The following ZNF254 variants were observed in gnomAD, a reference collection of about 807,000 sequenced individuals.
ZNF254 encodes the protein CTD-2017D11.1.
A neutral mutation model predicts 12.4 loss-of-function variants in ZNF254; 10 were observed. The ratio of observed to expected loss-of-function variants is 0.80; its 90% confidence interval spans 0.50 to 1.36. The LOEUF is 1.36. ZNF254 is among the 40% of genes most tolerant of loss of function. The pLI is 0.00. For synonymous variants in ZNF254, 305 were observed against 253.4 expected (o/e 1.20, Z -1.93); for missense variants, 996 against 763.9 (o/e 1.30, Z -3.58).
chr19:24,089,407 T>TA (rs1332006444), intron 1 of ZNF254, among the ~76,000 whole-genome samples: 2 of 152,210 alleles, frequency 1.3e-5, no homozygotes, highest in Non-Finnish European at 2.9e-5. Flanking sequence ...CTCTGCGTTT[T>TA]TTTTTCTTCT....
rs949483609 is a variant in ZNF254, at chr19:24,036,570, T to C, written c.-190+2949T>C. Among the ~76,000 whole-genome samples the C allele has an allele frequency of 4.6e-5, 7 of 152,168 alleles. No homozygotes were observed. The South Asian group carries it at 6.2e-4, about 14-fold the overall frequency. On this transcript the variant is annotated intron_variant, in intron 1 of 4. Transcript: ENST00000613065. ...TCAAGGAGGTATCAGAATTGAGTTA[T>C]TGGACAACCAGTTGGTGTTGGAGAA...
intron 2 of ZNF254, among the ~76,000 whole-genome samples, chr19:24,055,467 C>T (rs1306810257): frequency 2.6e-5 from 4 of 151,806 alleles, no homozygotes; most frequent in Non-Finnish European, 5.9e-5. Context: ...TTAGTAGAAA[C>T]AGGGTTTCAC....
chr19:24,066,247 T>C (rs565146975), intron 2 of ZNF254: 1 of 152,336 alleles, frequency 6.6e-6, no homozygotes, highest in African/African-American at 2.4e-5. Context: ...TGCCTGGGTC[T>C]TTATTACAGG....
intron 1 of ZNF254, among the ~76,000 whole-genome samples, chr19:24,044,544 A>T (rs1394482881): frequency 3.5e-5 from 5 of 143,566 alleles, no homozygotes; most frequent in Non-Finnish European, 7.5e-5. Context: ...TCTCAAAAAA[A>T]AAAATAAATA....
chr19:24,109,463 C>T (rs1973531963), intron 3 of ZNF254, among the ~76,000 whole-genome samples: 1 of 151,894 alleles, frequency 6.6e-6, no homozygotes, highest in Non-Finnish European at 1.5e-5. Context: ...TTTTTAAGTG[C>T]AGGTTTCTTA....
At chr19:24,067,928 C>T (rs1971337963) in intron 2 of ZNF254, among the ~76,000 whole-genome samples, 1 of 152,202 alleles carries the variant, frequency 6.6e-6, no homozygotes, top group African/African-American at 2.4e-5. Context: ...GACTCTTCAT[C>T]AGCCTGTACC....
intron 2 of ZNF254, among the ~76,000 whole-genome samples, chr19:24,058,405 C>T (rs1157453298): frequency 8.9e-6 from 1 of 112,298 alleles, no homozygotes; most frequent in Non-Finnish European, 2.2e-5. Context: ...TTCTTTCTTT[C>T]TTTCTTTCTT....
rs1031712689 is a variant in ZNF254, at chr19:24,128,771, A to T, written c.*791A>T. The T allele has an allele frequency of 5.3e-5, 8 of 152,124 alleles. No individual in the cohort carries two copies. The highest frequency in any genetic ancestry group is 1.0e-4 in the Non-Finnish European group (7 of 67,956). 9.4% of individuals were successfully genotyped at this position (152,124 alleles called of 1,614,324 possible). ...TATCTAGGGCATTCAAGCTTTAGAC[A>T]TTACACTAAATCAGAGTGCTGAGTA... On this transcript the variant is annotated 3_prime_UTR_variant, in exon 4 of 4. Coordinates refer to ENST00000357002, the MANE Select transcript of ZNF254 (RefSeq NM_203282.4).
intron 2 of ZNF254, among the ~76,000 whole-genome samples, chr19:24,047,466 G>A (rs1298501975): frequency 6.6e-6 from 1 of 151,454 alleles, no homozygotes; most frequent in African/African-American, 2.4e-5. Context: ...ACGAGGCCTC[G>A]CTATGTTCCC....
intron 1 of ZNF254, among the ~76,000 whole-genome samples, chr19:24,101,642 G>A (rs758447045): frequency 1.3e-5 from 2 of 152,186 alleles, no homozygotes; most frequent in African/African-American, 2.4e-5. Flanking sequence ...TAGCTAATCA[G>A]GACAGGTGAT....
At chr19:24,047,596 C>CTTTT (rs386388790) in intron 2 of ZNF254, among the ~76,000 whole-genome samples, 1 of 107,962 alleles carries the variant, frequency 9.3e-6, no homozygotes, top group African/African-American at 3.7e-5. Flanking sequence ...TTCATTCTTC[C>CTTTT]TTTTTTTTTT....
At chr19:24,073,000 C>A (rs577307444) in intron 2 of ZNF254, among the ~76,000 whole-genome samples, 1 of 152,334 alleles carries the variant, frequency 6.6e-6, no homozygotes, top group African/African-American at 2.4e-5. Context: ...AGGAGAGTTA[C>A]TGGCACTTGT....
intron 1 of ZNF254, among the ~76,000 whole-genome samples, chr19:24,090,506 G>A (rs181081271): frequency 7.9e-5 from 12 of 152,160 alleles, no homozygotes; most frequent in Admixed American, 7.2e-4. Flanking sequence ...GTACCATCTC[G>A]GTCCACTGCA....
chr19:24,046,398 T>TATATATATATATAA (rs1970392417), intron 2 of ZNF254: 1 of 146,846 alleles, frequency 6.8e-6, no homozygotes, highest in African/African-American at 2.5e-5. Context: ...TATATATATA[T>TATATATATATATAA]ATGTGCAGAT....
intron 2 of ZNF254, chr19:24,063,749 A>C (rs1971165443): frequency 1.3e-5 from 2 of 149,674 alleles, no homozygotes; most frequent in South Asian, 4.2e-4. Context: ...AGATTATGAC[A>C]TGTGATTGTG....
At chr19:24,111,935 C>T (rs1461234420) in intron 3 of ZNF254, among the ~76,000 whole-genome samples, 1 of 152,170 alleles carries the variant, frequency 6.6e-6, no homozygotes, top group Non-Finnish European at 1.5e-5. Flanking sequence ...TTTTGCTGTG[C>T]AGAAGCTCTT....
At chr19:24,064,422 G>A (rs1488640097) in intron 2 of ZNF254, 2 of 152,144 alleles carry the variant, frequency 1.3e-5, no homozygotes, top group African/African-American at 4.8e-5. Flanking sequence ...ACTGCTTGGG[G>A]TGTGATTAAG....
At chr19:24,045,648 A>G (rs1970352638) in intron 1 of ZNF254, among the ~76,000 whole-genome samples, 1 of 145,260 alleles carries the variant, frequency 6.9e-6, no homozygotes, top group African/African-American at 2.6e-5. Flanking sequence ...AGCCTGGGTG[A>G]CACAGCAAGA....
At chr19:24,062,768 G>C (rs768998028) in intron 2 of ZNF254, among the ~76,000 whole-genome samples, 4 of 152,078 alleles carry the variant, frequency 2.6e-5, no homozygotes, top group Non-Finnish European at 4.4e-5. Context: ...CCAAAATTCA[G>C]CACACCTTTG....
Sources: gnomAD v4.1 joint callset for allele counts (sites outside exome capture counted in the v4.1 genomes callset) on GRCh38, gnomAD v4.1.1 for gene constraint, MANE v1.5 for transcripts, NCBI Gene and HGNC (gene_info 2026-07-23, HGNC 2026-07-21) for gene names.